Variants in CSMD1 observed in about 807,000 individuals in gnomAD.
The protein encoded by CSMD1 is CUB and sushi domain-containing protein 1.
In CSMD1, 213 loss-of-function variants were observed where a neutral mutation model predicts 417.5. The observed-to-expected ratio is 0.51, with a 90% CI of 0.46 to 0.57. The LOEUF is 0.57. CSMD1 is among the 20% of genes least tolerant of loss of function. The pLI is 0.00. For missense variants in CSMD1, 6,923 were observed against 4,529.7 expected (o/e 1.53, Z -15.17); for synonymous variants, 2,862 against 1,736.8 (o/e 1.65, Z -16.11).
At chr8:2,984,433 C>A (rs946655336) in intron 54 of CSMD1, among the ~76,000 whole-genome samples, 2 of 152,080 alleles carry the variant, frequency 1.3e-5, no homozygotes, top group African/African-American at 4.8e-5. Flanking sequence ...ACTGCAACCT[C>A]CGCCTCCCTG....
At chr8:4,490,763 T>C (rs1186788065) in intron 2 of CSMD1, among the ~76,000 whole-genome samples, 2 of 152,198 alleles carry the variant, frequency 1.3e-5, no homozygotes, top group African/African-American at 4.8e-5. Flanking sequence ...GATTGTGCAC[T>C]AGCTCCACTA....
At chr8:3,126,912 C>A (rs1003513606) in intron 41 of CSMD1, among the ~76,000 whole-genome samples, 13 of 152,150 alleles carry the variant, frequency 8.5e-5, no homozygotes, top group Admixed American at 7.9e-4. Context: ...ATGTGGAAAT[C>A]TGAAGGTGCC....
At chr8:3,998,726 C>T (rs987565225) in intron 4 of CSMD1, among the ~76,000 whole-genome samples, 1 of 151,882 alleles carries the variant, frequency 6.6e-6, no homozygotes, top group Admixed American at 6.6e-5. Context: ...GATAAAAGTG[C>T]ATTTAAAATA....
At position 3,305,959 on chromosome 8, in the gene CSMD1, C is replaced by A. The variant is rs908877721; in HGVS notation, c.3950+1736G>T. On this transcript the variant is annotated intron_variant, in intron 25 of 69. Transcript: ENST00000635120. ...CCTCCCAAGGTGCTGGGATTACAGGCATGAGCCACTGCACCCGGCCCCACA... is the reference window on the plus strand; with the variant it reads ...CCTCCCAAGGTGCTGGGATTACAGGAATGAGCCACTGCACCCGGCCCCACA... 3.9e-5 allele frequency among the ~76,000 whole-genome samples: 6 copies of A among 152,260 alleles called. No homozygotes were observed. The East Asian group carries it at 9.7e-4, about 25-fold the overall frequency.
chr8:3,656,330 C>G (rs1243449222), intron 7 of CSMD1, among the ~76,000 whole-genome samples: 2 of 152,198 alleles, frequency 1.3e-5, no homozygotes, highest in African/African-American at 4.8e-5. Context: ...TATAGCACTA[C>G]TTTCCTAGAA....
intron 1 of CSMD1, among the ~76,000 whole-genome samples, chr8:4,764,869 T>A (rs1295523661): frequency 2.7e-5 from 1 of 37,228 alleles, no homozygotes; most frequent in African/African-American, 1.3e-4. Flanking sequence ...CGAGACTCCA[T>A]CTCAAAAAAA....
intron 5 of CSMD1, among the ~76,000 whole-genome samples, chr8:3,992,222 C>A (rs943200440): frequency 1.3e-5 from 2 of 151,690 alleles, no homozygotes; most frequent in Non-Finnish European, 2.9e-5. Flanking sequence ...TTATGCTATA[C>A]TAAACACTTC....
intron 1 of CSMD1, among the ~76,000 whole-genome samples, chr8:4,821,861 C>A (rs1373637615): frequency 6.6e-6 from 1 of 152,158 alleles, no homozygotes; most frequent in Non-Finnish European, 1.5e-5. Context: ...TCCCCACTGC[C>A]TCCACACGCT....
At chr8:3,110,537 T>C (rs958546520) in intron 42 of CSMD1, among the ~76,000 whole-genome samples, 2 of 152,224 alleles carry the variant, frequency 1.3e-5, no homozygotes, top group Admixed American at 6.5e-5. Context: ...AGCTAAATTA[T>C]CTCAGTTTTA....
At chr8:3,666,230 C>A (rs182863999) in intron 7 of CSMD1, among the ~76,000 whole-genome samples, 2 of 152,194 alleles carry the variant, frequency 1.3e-5, no homozygotes, top group Non-Finnish European at 2.9e-5. Context: ...TTCCCCACCA[C>A]ACTGGTGAGA....
chr8:4,107,092 G>C (rs76803660), intron 3 of CSMD1, among the ~76,000 whole-genome samples: 17,716 of 152,134 alleles, frequency 0.12, 1,396 homozygotes, highest in Non-Finnish European at 0.18. Flanking sequence ...TGAACAAGGT[G>C]ATAATGACGA....
intron 12 of CSMD1, among the ~76,000 whole-genome samples, chr8:3,453,262 C>T (rs925641444): frequency 2.0e-5 from 3 of 151,966 alleles, no homozygotes; most frequent in Non-Finnish European, 4.4e-5. Context: ...TTCAAAAAAC[C>T]AGCTCCTGGA....
chr8:3,435,957 G>A (rs1001645023), intron 12 of CSMD1, among the ~76,000 whole-genome samples: 9 of 152,272 alleles, frequency 5.9e-5, no homozygotes, highest in Non-Finnish European at 1.0e-4. Context: ...TGCAATCCAT[G>A]CCATTTCACT....
intron 33 of CSMD1, 71 bp from the exon 34 acceptor site, chr8:3,190,186 G>C (rs1030361253): frequency 3.0e-6 from 3 of 1,010,614 alleles, no homozygotes; most frequent in Admixed American, 2.2e-5. Context: ...TGGAACGTGG[G>C]TTTAAGATGG....
intron 4 of CSMD1, among the ~76,000 whole-genome samples, chr8:4,019,368 C>T (rs1318906557): frequency 6.6e-6 from 1 of 152,154 alleles, no homozygotes; most frequent in Middle Eastern, 3.2e-3. Context: ...TGTTCCCATA[C>T]ATCTCCGTGA....
At chr8:2,942,401 A>G (rs1459921926) in intron 69 of CSMD1, 71 bp downstream of exon 69, 6 of 1,317,716 alleles carry the variant, frequency 4.6e-6, no homozygotes, top group Non-Finnish European at 5.3e-6. Context: ...TGAGCACGAG[A>G]GCATGCCCAT....
chr8:4,490,032 G>C (rs1446656196), intron 2 of CSMD1, among the ~76,000 whole-genome samples: 2 of 138,246 alleles, frequency 1.4e-5, no homozygotes, highest in African/African-American at 2.7e-5. Flanking sequence ...ACGATACTCA[G>C]GTACCAATTT....
At chr8:3,619,870 G>C (rs111316720) in intron 7 of CSMD1, among the ~76,000 whole-genome samples, 26 of 152,276 alleles carry the variant, frequency 1.7e-4, no homozygotes, top group Middle Eastern at 3.4e-3. Flanking sequence ...GGGAGGCTGA[G>C]GTGGGTGGAT....
intron 23 of CSMD1, among the ~76,000 whole-genome samples, chr8:3,325,845 C>CAAAACA (rs1320573812): frequency 2.6e-5 from 4 of 152,030 alleles, no homozygotes; most frequent in Non-Finnish European, 5.9e-5. Context: ...AAAACAAAAA[C>CAAAACA]AAAACAAAAA....
Sources: allele counts gnomAD v4.1 joint callset (sites outside exome capture counted in the v4.1 genomes callset), GRCh38; gene constraint gnomAD v4.1.1; transcripts MANE v1.5; gene names NCBI Gene and HGNC (gene_info 2026-07-23, HGNC 2026-07-21).